The following ACACA variants were observed in gnomAD, a reference collection of about 807,000 sequenced individuals.
The protein encoded by ACACA is acetyl-CoA carboxylase alpha.
In ACACA, 103 loss-of-function variants were observed where a neutral mutation model predicts 296.1. The ratio of observed to expected loss-of-function variants is 0.35; its 90% CI spans 0.30 to 0.41. The LOEUF is 0.41. Among genes scored for constraint, ACACA ranks in the 10% least tolerant of loss-of-function variants. The pLI is 1.00. For missense variants in ACACA, 1,554 were observed against 2,989.7 expected (o/e 0.52, Z 11.20); for synonymous variants, 953 against 1,038.6 (o/e 0.92, Z 1.58).
chr17:37,293,107 A>G (rs998203919), intron 3 of ACACA, among the ~76,000 whole-genome samples: 3 of 152,236 alleles, frequency 2.0e-5, no homozygotes, highest in African/African-American at 7.2e-5. Context: ...GAAAATGTTA[A>G]TTAGCCAAAT....
intron 1 of ACACA, among the ~76,000 whole-genome samples, chr17:37,354,927 T>C (rs537482147): frequency 5.9e-5 from 9 of 151,812 alleles, no homozygotes; most frequent in African/African-American, 1.7e-4. Context: ...CGAGAGAATC[T>C]CTAAAAAAAT....
intron 41 of ACACA, among the ~76,000 whole-genome samples, chr17:37,174,000 ATATATATATATATATATATATTT>A (rs1263928462): frequency 2.1e-4 from 2 of 9,532 alleles, no homozygotes; most frequent in Non-Finnish European, 3.5e-4. Context: ...ATATATATAT[ATATATATATATATATATATATTT>A]TTTTTTTTTT....
At chr17:37,336,721 T>C (rs534149988) in intron 2 of ACACA, among the ~76,000 whole-genome samples, 3 of 152,332 alleles carry the variant, frequency 2.0e-5, no homozygotes, top group African/African-American at 7.2e-5. Context: ...AATTGTGATT[T>C]TGAAGTGCTC....
chr17:37,121,689 T>C (rs1310806720), intron 49 of ACACA, among the ~76,000 whole-genome samples, 199 bp from the exon 50 acceptor site: 1 of 152,246 alleles, frequency 6.6e-6, no homozygotes, highest in Non-Finnish European at 1.5e-5. Flanking sequence ...AATACTATTC[T>C]TTTTAAGTCC....
At chr17:37,375,466 G>A (rs1042949788) in intron 1 of ACACA, among the ~76,000 whole-genome samples, 1 of 151,920 alleles carries the variant, frequency 6.6e-6, no homozygotes, top group Non-Finnish European at 1.5e-5. Flanking sequence ...CAGCCTGGGC[G>A]ACCGAGCGAG....
rs2072170150 is a variant in ACACA, at chr17:37,085,970, G to C, written c.*1346C>G. 1 of 397,672 alleles carries C rather than the reference G, an allele frequency of 2.5e-6. No homozygotes were observed. The highest frequency in any genetic ancestry group is 2.1e-5 in the African/African-American group (1 of 48,606). The allele number at this position is 397,672 out of a possible 1,614,324, so 24.6% of individuals were successfully genotyped here. On this transcript the variant is annotated 3_prime_UTR_variant, in exon 56 of 56. Transcript: ENST00000616317. The stretch of plus-strand genomic sequence containing the variant: ...TGCCACTCTTGCTTTAGGAACAGAG[G>C]AATCAGTAAGTTCTTTTCTTGAATA...
intron 3 of ACACA, among the ~76,000 whole-genome samples, chr17:37,303,307 C>T (rs773245337): frequency 6.6e-6 from 1 of 152,160 alleles, no homozygotes; most frequent in Admixed American, 6.5e-5. Context: ...GTTTTCAATG[C>T]TGTAGCATAT....
chr17:37,158,466 CA>C (rs982318644), intron 42 of ACACA, among the ~76,000 whole-genome samples: 15 of 152,000 alleles, frequency 9.9e-5, no homozygotes, highest in African/African-American at 3.6e-4. Flanking sequence ...CCCATCTCTA[CA>C]AAAACCAAAA....
At chr17:37,270,597 T>C (rs1424968377) in intron 10 of ACACA, among the ~76,000 whole-genome samples, 154 bp downstream of exon 10, 2 of 152,216 alleles carry the variant, frequency 1.3e-5, no homozygotes, top group Non-Finnish European at 2.9e-5. Context: ...TTTTCTCTGC[T>C]AATATGCAGG....
chr17:37,350,737 G>A (rs1318818601), intron 1 of ACACA, among the ~76,000 whole-genome samples: 2 of 151,228 alleles, frequency 1.3e-5, no homozygotes, highest in African/African-American at 4.9e-5. Flanking sequence ...TACTCGGGAG[G>A]CTGAGGCAGG....
chr17:37,299,315 C>T, intron 3 of ACACA: 5 of 1,613,922 alleles, frequency 3.1e-6, no homozygotes, highest in Non-Finnish European at 1.7e-6. Flanking sequence ...CCTTATTTTC[C>T]TCTGGAGAAC....
intron 43 of ACACA, among the ~76,000 whole-genome samples, chr17:37,151,969 T>G (rs1160876517): frequency 6.9e-6 from 1 of 145,876 alleles, no homozygotes; most frequent in Non-Finnish European, 1.5e-5. Context: ...CTAATTTTTG[T>G]TTTTTTTAGT....
Position 37,242,007 on chromosome 17 carries a change from G to C in ACACA, c.2978C>G (p.Ser993Cys). ...DSHAATLNRK[S>C]EREVFFMNTQ... is the part of the protein sequence containing the mutation. ...ATTCATAAAGAAGACTTCCCGTTCA[G>C]ATTTCCGGTTCAATGTAGCTGCATG... The change falls in exon 23 of 56, where the codon TCT becomes TGT. Residue 993 changes from serine to cysteine, a missense_variant. Around this residue, in one of 16 missense-constraint regions of ACACA, gnomAD observed 316 missense variants for 540.9 expected, o/e 0.58. Coordinates refer to ENST00000616317, the MANE Select transcript of ACACA (RefSeq NM_198834.3). 1 of 1,613,920 alleles carries C rather than the reference G, an allele frequency of 6.2e-7. No individual in the cohort carries two copies.
intron 3 of ACACA, among the ~76,000 whole-genome samples, chr17:37,314,521 T>G (rs1256694041): frequency 6.6e-6 from 1 of 152,156 alleles, no homozygotes; most frequent in African/African-American, 2.4e-5. Context: ...AAAGTGCTTC[T>G]TGGCTCAGGA....
intron 5 of ACACA, among the ~76,000 whole-genome samples, chr17:37,281,555 C>T (rs933453719): frequency 2.0e-5 from 3 of 151,980 alleles, no homozygotes; most frequent in Non-Finnish European, 4.4e-5. Context: ...ATTGGAGTAC[C>T]AGGTAGAAAT....
chr17:37,167,119 ATTTTT>A (rs11290127), intron 41 of ACACA, among the ~76,000 whole-genome samples: 12 of 101,346 alleles, frequency 1.2e-4, no homozygotes, highest in African/African-American at 3.4e-4. Flanking sequence ...TAATTTTTGC[ATTTTT>A]TTTTTTTTTT....
chr17:37,331,562 CATGCCCG>C (rs1466947534), intron 2 of ACACA, among the ~76,000 whole-genome samples: 8 of 152,078 alleles, frequency 5.3e-5, no homozygotes, highest in African/African-American at 1.4e-4. Context: ...TACCCACCAC[CATGCCCG>C]GCTGACTTTT....
intron 3 of ACACA, among the ~76,000 whole-genome samples, chr17:37,295,653 G>A (rs924750854): frequency 6.6e-6 from 1 of 152,040 alleles, no homozygotes; most frequent in Non-Finnish European, 1.5e-5. Flanking sequence ...GGCCAGGCAC[G>A]GTGGCTCACA....
At chr17:37,295,849 C>T (rs544059257) in intron 3 of ACACA, among the ~76,000 whole-genome samples, 3 of 152,060 alleles carry the variant, frequency 2.0e-5, no homozygotes, top group Admixed American at 6.6e-5. Context: ...TGCTTGAACC[C>T]GGGAGGCAAA....
Sources: gnomAD v4.1 joint callset for allele counts (sites outside exome capture counted in the v4.1 genomes callset) on GRCh38, gnomAD v4.1.1 for gene constraint, gnomAD v4.1.1 regional missense constraint, MANE v1.5 for transcripts, NCBI Gene and HGNC (gene_info 2026-07-23, HGNC 2026-07-21) for gene names.